The following TRPC7 variants were observed in gnomAD, a reference collection of about 807,000 sequenced individuals.
TRPC7 encodes short transient receptor potential channel 7.
TRPC7 carries 42 observed loss-of-function variants against 90.1 expected under a neutral mutation model. The observed-to-expected ratio is 0.47, with a 90% CI of 0.36 to 0.60. The LOEUF is 0.60. Ranked by LOEUF, TRPC7 falls within the 20% of genes least tolerant of loss-of-function variation. The pLI, the probability that TRPC7 is intolerant of heterozygous loss-of-function variation, is 0.00. For synonymous variants in TRPC7, 451 were observed against 436.3 expected, an observed-to-expected ratio of 1.03 and a Z score of -0.42; for missense variants, 955 against 1,112.3, an observed-to-expected ratio of 0.86 and a Z score of 2.01.
intron 5 of TRPC7, among the ~76,000 whole-genome samples, chr5:136,258,352 T>C (rs979166687): frequency 3.9e-5 from 6 of 152,240 alleles, no homozygotes; most frequent in Admixed American, 6.5e-5. Context: ...ATTGGCCCCC[T>C]GCCGCCACAG....
At chr5:136,352,524 C>T (rs1356942856) in intron 2 of TRPC7, among the ~76,000 whole-genome samples, 1 of 152,042 alleles carries the variant, frequency 6.6e-6, no homozygotes, top group Non-Finnish European at 1.5e-5. Flanking sequence ...CTTCAGACAT[C>T]ACATTGTGTT....
intron 6 of TRPC7, among the ~76,000 whole-genome samples, chr5:136,251,261 A>G (rs1418080570): frequency 1.3e-5 from 2 of 152,218 alleles, no homozygotes; most frequent in Non-Finnish European, 2.9e-5. Flanking sequence ...CAGGGATCCA[A>G]TATAGAAGGA....
chr5:136,331,670 C>A (rs977584268), intron 2 of TRPC7, among the ~76,000 whole-genome samples: 1 of 152,132 alleles, frequency 6.6e-6, no homozygotes, highest in African/African-American at 2.4e-5. Flanking sequence ...AAAGTTGTTC[C>A]GCTCAGTTCA....
chr5:136,216,075 T>A, intron 11 of TRPC7, 125 bp downstream of exon 11: 1 of 751,384 alleles, frequency 1.3e-6, no homozygotes, highest in East Asian at 2.7e-5. Flanking sequence ...GCAAGGAGAC[T>A]GAGCCTCCCT....
chr5:136,320,461 G>T (rs1580951338), intron 2 of TRPC7, among the ~76,000 whole-genome samples: 1 of 152,132 alleles, frequency 6.6e-6, no homozygotes, highest in Admixed American at 6.6e-5. Flanking sequence ...CCGCTCCAAA[G>T]GCTCCCTATC....
intron 3 of TRPC7, among the ~76,000 whole-genome samples, chr5:136,289,417 C>A (rs1009079861): frequency 1.4e-4 from 22 of 152,340 alleles, no homozygotes; most frequent in Non-Finnish European, 1.3e-4. Flanking sequence ...TGACAGATGG[C>A]ACCTGGAAAA....
At chr5:136,269,590 C>T (rs1757142423) in intron 4 of TRPC7, among the ~76,000 whole-genome samples, 1 of 152,186 alleles carries the variant, frequency 6.6e-6, no homozygotes, top group Admixed American at 6.5e-5. Flanking sequence ...CGCCAAATGC[C>T]ACTCTCGCTT....
chr5:136,292,513 C>A (rs1014304688), intron 3 of TRPC7, among the ~76,000 whole-genome samples: 24 of 152,204 alleles, frequency 1.6e-4, no homozygotes, highest in Non-Finnish European at 3.2e-4. Flanking sequence ...ATACTATAAA[C>A]ACCTCTATGC....
chr5:136,294,410 C>T (rs1478555597), intron 3 of TRPC7, among the ~76,000 whole-genome samples: 2 of 152,038 alleles, frequency 1.3e-5, no homozygotes, highest in Non-Finnish European at 2.9e-5. Flanking sequence ...GGTTAATATC[C>T]AGAATCTACA....
chr5:136,303,095 C>T (rs1299003019), intron 3 of TRPC7, among the ~76,000 whole-genome samples: 1 of 152,296 alleles, frequency 6.6e-6, no homozygotes, highest in African/African-American at 2.4e-5. Context: ...TAGCCCTCCC[C>T]CACCTGCCCA....
At chr5:136,342,449 G>T (rs1202091291) in intron 2 of TRPC7, among the ~76,000 whole-genome samples, 1 of 152,304 alleles carries the variant, frequency 6.6e-6, no homozygotes. Context: ...GAGAGTAGGG[G>T]TTGTGTTTTG....
At position 136,242,431 on chromosome 5, in the gene TRPC7, C is replaced by A. The variant is rs369847521; in HGVS notation, c.1844+5040G>T. On this transcript the variant is annotated intron_variant, in intron 7 of 11. Coordinates refer to ENST00000513104, the MANE Select transcript of TRPC7 (RefSeq NM_020389.3). ...ACAGAAGTGGCTATGAAAAACAACC[C>A]AGACCTTTGAGAAAATTCTTGGTTC... Among the ~76,000 whole-genome samples, 227 of 152,302 alleles carry A rather than the reference C, an allele frequency of 1.5e-3. 1 individual carries two copies. Among genetic ancestry groups the A allele is most frequent in the African/African-American group, 5.3e-3 (222 of 41,550 alleles).
intron 5 of TRPC7, among the ~76,000 whole-genome samples, chr5:136,257,372 G>A (rs1467451716): frequency 6.6e-6 from 1 of 151,868 alleles, no homozygotes; most frequent in African/African-American, 2.4e-5. Flanking sequence ...TAGTAGAGAC[G>A]AGGTTTCACC....
chr5:136,365,222 T>A (rs1208065004), intron 1 of TRPC7, 31 bp downstream of exon 1: 1 of 1,520,508 alleles, frequency 6.6e-7, no homozygotes, highest in African/African-American at 1.4e-5. Flanking sequence ...GAAAAAAAAA[T>A]CAATATGAAA....
In TRPC7 at chr5:136,329,589, G is replaced by A. The variant is rs1006241527; in HGVS notation, c.781-13810C>T. Reference sequence around the variant, plus strand: ...GCAGGGAATGGACATTCCAGGAAGTGGGACCAGCAAGTGCAACAGGAAGAG... The same window carrying A: ...GCAGGGAATGGACATTCCAGGAAGTAGGACCAGCAAGTGCAACAGGAAGAG... On this transcript the variant is annotated intron_variant, in intron 2 of 11. Coordinates refer to ENST00000513104, the MANE Select transcript of TRPC7 (RefSeq NM_020389.3). Among the ~76,000 whole-genome samples the A allele has an allele frequency of 6.6e-5, 10 of 152,174 alleles. 1 individual carries two copies. Among genetic ancestry groups the A allele is most frequent in the Non-Finnish European group, 1.5e-4 (10 of 68,036 alleles).
chr5:136,338,231 C>T (rs1187341819), intron 2 of TRPC7, among the ~76,000 whole-genome samples: 1 of 152,192 alleles, frequency 6.6e-6, no homozygotes, highest in African/African-American at 2.4e-5. Flanking sequence ...AAGACGATCA[C>T]ACTACTAAGC....
At chr5:136,330,687 A>T (rs556692487) in intron 2 of TRPC7, among the ~76,000 whole-genome samples, 2 of 152,256 alleles carry the variant, frequency 1.3e-5, no homozygotes, top group Non-Finnish European at 2.9e-5. Flanking sequence ...AGGGAAGGAC[A>T]GGAGATGAGA....
At chr5:136,262,431 A>T (rs1289486528) in intron 5 of TRPC7, among the ~76,000 whole-genome samples, 1 of 152,136 alleles carries the variant, frequency 6.6e-6, no homozygotes, top group Admixed American at 6.5e-5. Context: ...GAGTAGAGGG[A>T]TGAGAGGGCA....
At chr5:136,294,621 A>G (rs1164525201) in intron 3 of TRPC7, among the ~76,000 whole-genome samples, 1 of 152,146 alleles carries the variant, frequency 6.6e-6, no homozygotes, top group Non-Finnish European at 1.5e-5. Context: ...AATGGCAATC[A>G]TTAAAAAGTC....
Sources: gnomAD v4.1 joint callset for allele counts (sites outside exome capture counted in the v4.1 genomes callset) on GRCh38, gnomAD v4.1.1 for gene constraint, MANE v1.5 for transcripts, NCBI Gene and HGNC (gene_info 2026-07-23, HGNC 2026-07-21) for gene names.